The following PTPRM variants were observed in gnomAD, a reference collection of about 807,000 sequenced individuals.
The protein encoded by PTPRM is receptor-type tyrosine-protein phosphatase mu.
PTPRM carries 47 observed loss-of-function variants against 186.7 expected under a neutral mutation model. That is an observed-to-expected ratio of 0.25 (90% CI 0.20 to 0.32). PTPRM has a LOEUF of 0.32. PTPRM is among the 10% of genes least tolerant of loss of function. The pLI is 1.00. For synonymous variants in PTPRM, 668 were observed against 674.9 expected, an observed-to-expected ratio of 0.99 and a Z score of 0.16; for missense variants, 1,494 against 1,865.0, an observed-to-expected ratio of 0.80 and a Z score of 3.66.
intron 22 of PTPRM, among the ~76,000 whole-genome samples, chr18:8,331,697 C>T (rs1808067310): frequency 6.6e-6 from 1 of 152,180 alleles, no homozygotes; most frequent in South Asian, 2.1e-4. Flanking sequence ...ATGCTTCCTT[C>T]CAGAAGGATG....
At chr18:7,965,937 A>G (rs1411693058) in intron 7 of PTPRM, among the ~76,000 whole-genome samples, 1 of 152,202 alleles carries the variant, frequency 6.6e-6, no homozygotes, top group Non-Finnish European at 1.5e-5. Context: ...TGTAAGGATA[A>G]TGCTGCTTGT....
At chr18:8,127,425 T>TG (rs1437211984) in intron 13 of PTPRM, among the ~76,000 whole-genome samples, 2 of 151,272 alleles carry the variant, frequency 1.3e-5, no homozygotes, top group African/African-American at 4.8e-5. Flanking sequence ...ATTGTTTTTT[T>TG]TTTTTTTTTT....
chr18:8,008,379 G>A (rs2084316230), intron 7 of PTPRM, among the ~76,000 whole-genome samples: 2 of 152,082 alleles, frequency 1.3e-5, no homozygotes, highest in African/African-American at 4.8e-5. Context: ...GGAAAAGTTT[G>A]ATCTTTCAGC....
At chr18:7,605,516 C>A (rs780998409) in intron 1 of PTPRM, among the ~76,000 whole-genome samples, 1 of 151,932 alleles carries the variant, frequency 6.6e-6, no homozygotes, top group Non-Finnish European at 1.5e-5. Flanking sequence ...TTCTTTTCTC[C>A]TATAGATGTA....
intron 14 of PTPRM, among the ~76,000 whole-genome samples, chr18:8,205,600 A>C (rs2093917332): frequency 6.6e-6 from 1 of 152,186 alleles, no homozygotes; most frequent in South Asian, 2.1e-4. Context: ...GTTATGCTTG[A>C]GTTAGAAAAA....
chr18:8,033,500 T>C (rs1229086333), intron 7 of PTPRM, among the ~76,000 whole-genome samples: 1 of 152,188 alleles, frequency 6.6e-6, no homozygotes, highest in East Asian at 1.9e-4. Context: ...ACCCAGGGTA[T>C]ATGGTGTGGC....
intron 9 of PTPRM, among the ~76,000 whole-genome samples, chr18:8,083,207 G>A (rs1371522822): frequency 6.6e-6 from 1 of 152,072 alleles, no homozygotes; most frequent in Non-Finnish European, 1.5e-5. Context: ...CTTTATAAGG[G>A]AAATTAGATC....
At chr18:7,735,456 CA>C (rs150191647) in intron 1 of PTPRM, among the ~76,000 whole-genome samples, 7,431 of 152,148 alleles carry the variant, frequency 0.049, 451 homozygotes, top group East Asian at 0.13. Context: ...AACATTAAAA[CA>C]GAGATCTTAA....
intron 1 of PTPRM, among the ~76,000 whole-genome samples, chr18:7,743,042 A>G (rs1208653151): frequency 6.6e-6 from 1 of 152,202 alleles, no homozygotes; most frequent in Non-Finnish European, 1.5e-5. Context: ...GGGGCCAAAC[A>G]TGCATGGCTG....
At chr18:7,783,270 C>G (rs545704376) in intron 2 of PTPRM, among the ~76,000 whole-genome samples, 44 of 152,280 alleles carry the variant, frequency 2.9e-4, no homozygotes, top group African/African-American at 1.0e-3. Flanking sequence ...TCACTCAGCT[C>G]TCACAGCCTG....
Position 8,150,286 on chromosome 18 carries a change from A to T in PTPRM, c.2300+6507A>T, listed in dbSNP as rs1408246806. On this transcript the variant is annotated intron_variant, in intron 14 of 32. Transcript: ENST00000580170. ...CTCGTCACTTTCAGGTACACCAATC[A>T]GACATAGATTTGGTCTTTTCACATA... is the stretch of plus-strand genomic sequence containing the variant. 2.6e-5 allele frequency among the ~76,000 whole-genome samples: 4 copies of T among 152,210 alleles called. No homozygotes were observed. In the South Asian group the frequency reaches 6.2e-4, roughly 24 times the overall value.
chr18:7,652,987 G>T (rs978732403), intron 1 of PTPRM, among the ~76,000 whole-genome samples: 2 of 151,774 alleles, frequency 1.3e-5, no homozygotes, highest in African/African-American at 4.8e-5. Context: ...AAATAACCCA[G>T]TTAAAAAATA....
chr18:7,776,309 A>T (rs1279305077), intron 2 of PTPRM, among the ~76,000 whole-genome samples: 1 of 152,134 alleles, frequency 6.6e-6, no homozygotes, highest in Non-Finnish European at 1.5e-5. Flanking sequence ...CCCCAAACAG[A>T]TTGCAACTCA....
chr18:7,704,272 G>A (rs550552537), intron 1 of PTPRM, among the ~76,000 whole-genome samples: 6 of 152,222 alleles, frequency 3.9e-5, no homozygotes, highest in Non-Finnish European at 7.4e-5. Context: ...TGTACTTTTG[G>A]TAGAATTCAA....
chr18:7,726,081 A>G (rs1897810883), intron 1 of PTPRM, among the ~76,000 whole-genome samples: 1 of 152,122 alleles, frequency 6.6e-6, no homozygotes, highest in Non-Finnish European at 1.5e-5. Context: ...GCACCTGTTC[A>G]CATGCACTCC....
intron 14 of PTPRM, among the ~76,000 whole-genome samples, chr18:8,230,725 C>T (rs2094276491): frequency 6.6e-6 from 1 of 152,206 alleles, no homozygotes; most frequent in African/African-American, 2.4e-5. Context: ...TCAACTGTTG[C>T]AGTGCTGGTT....
rs1601461661 is a variant in PTPRM, at chr18:8,248,074, G to A, written c.2528-76G>A. 3.6e-6 allele frequency: 5 copies of A among 1,405,938 alleles called. No homozygotes were observed. The South Asian group carries it at 5.8e-5, about 16-fold the overall frequency. 87.1% of individuals were successfully genotyped at this position (1,405,938 alleles called of 1,614,324 possible). A position where few individuals can be genotyped will look rare whatever the true frequency, so the allele number is the denominator to read the frequency against. On this transcript the variant is annotated intron_variant, in intron 16 of 32. Coordinates refer to ENST00000580170, the MANE Select transcript of PTPRM (RefSeq NM_001105244.2). Reference sequence around the variant, plus strand: ...ACAGCTTTCTATGCAGAAAATAGGGGTGGGCATTCATCAATCATTTACTGT... The same window carrying A: ...ACAGCTTTCTATGCAGAAAATAGGGATGGGCATTCATCAATCATTTACTGT...
At chr18:8,289,551 C>CATATATATATACACACAT (rs1176230629) in intron 19 of PTPRM, among the ~76,000 whole-genome samples, 3 of 77,718 alleles carry the variant, frequency 3.9e-5, no homozygotes, top group African/African-American at 2.5e-4. Flanking sequence ...TATATATATA[C>CATATATATATACACACAT]ATATATATAC....
chr18:7,932,717 A>G (rs1251139619), intron 5 of PTPRM, among the ~76,000 whole-genome samples: 1 of 152,098 alleles, frequency 6.6e-6, no homozygotes, highest in African/African-American at 2.4e-5. Context: ...ATAGCACAAT[A>G]TAATTGAGAG....
Sources: gnomAD v4.1 joint callset for allele counts (sites outside exome capture counted in the v4.1 genomes callset) on GRCh38, gnomAD v4.1.1 for gene constraint, MANE v1.5 for transcripts, NCBI Gene and HGNC (gene_info 2026-07-23, HGNC 2026-07-21) for gene names.